Variants in DMD observed in about 807,000 individuals in gnomAD.
DMD encodes dystrophin.
Under a neutral mutation model 330.1 loss-of-function variants are expected in DMD, and 63 were observed. The ratio of observed to expected loss-of-function variants is 0.19; its 90% CI spans 0.16 to 0.24. The LOEUF (loss-of-function observed/expected upper bound fraction) is 0.24, where lower values mean the gene tolerates loss of function less well. DMD is among the 10% of genes least tolerant of loss of function. DMD has a pLI of 1.00. For synonymous variants in DMD, 1,223 were observed against 959.8 expected (o/e 1.27, Z -5.07); for missense variants, 3,344 against 2,684.1 (o/e 1.25, Z -5.43).
chrX:32,328,397 T>C (rs2097662144), intron 41 of DMD, among the ~76,000 whole-genome samples: 1 of 111,877 alleles, frequency 8.9e-6, no homozygotes, highest in South Asian at 3.7e-4. Context: ...ACAAATGTCG[T>C]GATACCCTAA....
In DMD at chrX:32,459,170, CA is replaced by C. The variant is rs1220591410; in HGVS notation, c.3432+4268del. On this transcript the variant is annotated intron_variant, in intron 25 of 78. Coordinates refer to ENST00000357033, the MANE Select transcript of DMD (RefSeq NM_004006.3). ...GATCTTAGGAGCTCTTATCACAAAA[CA>C]AAAAAAATAAATAAATTAAGGGGCA... is the stretch of plus-strand genomic sequence containing the variant. Among the ~76,000 whole-genome samples the C allele has an allele frequency of 6.4e-5, 7 of 109,612 alleles. No individual in the cohort carries two copies. The Admixed American group carries it at 6.8e-4, about 11-fold the overall frequency.
Position 32,644,152 on chromosome X carries a change from A to C in DMD, c.1311T>G (p.Ala437=), listed in dbSNP as rs398123855. 5.0e-6 allele frequency: 6 copies of C among 1,208,827 alleles called. No individual in the cohort carries two copies. The highest frequency in any genetic ancestry group is 6.7e-6 in the Non-Finnish European group (6 of 893,743). ...CTTACTTGCTTTGTTTTTCCATGCT[A>C]GCTACCCTGAGGCATTCCCATCTTG... ...LNSRWECLRV[A]SMEKQSNLHR... The change falls in exon 11 of 79, where the codon GCT becomes GCG. Residue 437 remains alanine (A), a synonymous_variant. Coordinates refer to ENST00000357033, the MANE Select transcript of DMD (RefSeq NM_004006.3).
intron 62 of DMD, among the ~76,000 whole-genome samples, chrX:31,264,597 A>T (rs902120894): frequency 6.2e-5 from 7 of 112,189 alleles, no homozygotes; most frequent in African/African-American, 2.3e-4. Context: ...CAGTATTTAT[A>T]CGAAGATTTC....
At chrX:33,143,743 A>G (rs1399989684) in intron 1 of DMD, among the ~76,000 whole-genome samples, 1 of 111,968 alleles carries the variant, frequency 8.9e-6, no homozygotes, top group African/African-American at 3.2e-5. Flanking sequence ...TTTGAAAATT[A>G]ACCGAATGAT....
At chrX:31,755,789 G>C (rs2089019962) in intron 51 of DMD, among the ~76,000 whole-genome samples, 1 of 111,478 alleles carries the variant, frequency 9.0e-6, no homozygotes. Flanking sequence ...GGTCGTTAAA[G>C]ATCTTTAAAG....
Position 31,556,518 on chromosome X carries a change from CAA to C in DMD, c.8218-49067_8218-49066del, listed in dbSNP as rs56984431. Among the ~76,000 whole-genome samples, 448 of 62,854 alleles carry C rather than the reference CAA, an allele frequency of 7.1e-3. 4 individuals are homozygous for C. Among genetic ancestry groups the C allele is most frequent in the African/African-American group, 0.021 (394 of 18,714 alleles). 54.6% of individuals were successfully genotyped at this position (62,854 alleles called of 115,157 possible). A position where few individuals can be genotyped will look rare whatever the true frequency, so the allele number is the denominator to read the frequency against. Reference sequence around the variant, plus strand: ...TTGACTTCCTGTGAAGTGAAAAAAGCAAAAAAAAAAAAAAAAATCTTGAAATG... The same window carrying C: ...TTGACTTCCTGTGAAGTGAAAAAAGCAAAAAAAAAAAAAAATCTTGAAATG... On this transcript the variant is annotated intron_variant, in intron 55 of 78. Coordinates refer to ENST00000357033, the MANE Select transcript of DMD (RefSeq NM_004006.3).
intron 60 of DMD, among the ~76,000 whole-genome samples, chrX:31,444,015 G>A (rs1302592786): frequency 9.0e-6 from 1 of 110,743 alleles, no homozygotes; most frequent in African/African-American, 3.3e-5. Context: ...CCATTCTCAC[G>A]GTAGTGAGCG....
intron 29 of DMD, among the ~76,000 whole-genome samples, chrX:32,413,497 C>G (rs957125764): frequency 9.1e-6 from 1 of 109,998 alleles, no homozygotes; most frequent in Non-Finnish European, 1.9e-5. Context: ...GTTCTTGATT[C>G]CAATCTTTTC....
chrX:33,010,197 T>C (rs1214908350), intron 2 of DMD, among the ~76,000 whole-genome samples: 2 of 106,368 alleles, frequency 1.9e-5, no homozygotes, highest in Non-Finnish European at 3.9e-5. Flanking sequence ...TATGTATATA[T>C]GCATATGTGT....
At chrX:33,257,711 A>T (rs1422946196) in intron 1 of DMD, among the ~76,000 whole-genome samples, 1 of 111,161 alleles carries the variant, frequency 9.0e-6, no homozygotes, top group Non-Finnish European at 1.9e-5. Context: ...ATAAAATGGT[A>T]AGTTCGATAA....
rs780947591 is a variant in DMD at position 33,009,324 on chromosome X, A to G, written c.93+10815T>C. The stretch of plus-strand genomic sequence containing the variant: ...TATATACACATGTGTGTATATGTGT[A>G]TATGTGTATATACACGTGTATATAC... On this transcript the variant is annotated intron_variant, in intron 2 of 78. Coordinates refer to ENST00000357033, the MANE Select transcript of DMD (RefSeq NM_004006.3). 4.0e-4 allele frequency among the ~76,000 whole-genome samples: 23 copies of G among 57,040 alleles called. 3 individuals are homozygous for G. The highest frequency in any genetic ancestry group is 1.5e-3 in the African/African-American group (22 of 14,769). 49.5% of individuals were successfully genotyped at this position (57,040 alleles called of 115,157 possible).
chrX:33,037,187 C>G (rs749307999), intron 1 of DMD, among the ~76,000 whole-genome samples: 1 of 111,260 alleles, frequency 9.0e-6, no homozygotes, highest in African/African-American at 3.3e-5. Flanking sequence ...GCCAAGTGTC[C>G]TAATTAATAC....
intron 71 of DMD, among the ~76,000 whole-genome samples, chrX:31,177,172 G>A (rs1295411182): frequency 9.0e-6 from 1 of 110,980 alleles, no homozygotes; most frequent in East Asian, 2.8e-4. Context: ...AGAAATCACA[G>A]GCCCCAAAAA....
At chrX:32,951,024 AC>A (rs2091214988) in intron 2 of DMD, among the ~76,000 whole-genome samples, 1 of 111,613 alleles carries the variant, frequency 9.0e-6, no homozygotes, top group Non-Finnish European at 1.9e-5. Context: ...ACTATTTGCC[AC>A]TTTACAAAAA....
chrX:32,796,861 T>A (rs192109504), intron 7 of DMD, among the ~76,000 whole-genome samples: 43 of 112,184 alleles, frequency 3.8e-4, no homozygotes, highest in African/African-American at 1.4e-3. Context: ...TCCTATTGTA[T>A]GACAATTAAA....
intron 1 of DMD, among the ~76,000 whole-genome samples, chrX:33,277,692 GAC>G (rs1402417935): frequency 4.5e-5 from 5 of 111,266 alleles, no homozygotes; most frequent in East Asian, 5.7e-4. Flanking sequence ...CCTTTTCATA[GAC>G]ACACACACAA....
chrX:32,736,283 T>G (rs964686840), intron 7 of DMD, among the ~76,000 whole-genome samples: 18 of 111,165 alleles, frequency 1.6e-4, no homozygotes, highest in African/African-American at 5.3e-4. Flanking sequence ...CTGGAGAGGA[T>G]GTGGAGAAAT....
chrX:31,144,963 A>G (rs903309530), intron 76 of DMD, among the ~76,000 whole-genome samples: 3 of 111,944 alleles, frequency 2.7e-5, no homozygotes, highest in African/African-American at 9.8e-5. Context: ...TTGATCATTT[A>G]TGCCTCATCA....
intron 55 of DMD, among the ~76,000 whole-genome samples, chrX:31,555,286 C>T (rs1002117937): frequency 5.4e-5 from 6 of 111,568 alleles, no homozygotes; most frequent in Non-Finnish European, 3.8e-5. Context: ...AAGAGATACA[C>T]ATAATTGGCT....
Sources: allele counts gnomAD v4.1 joint callset (sites outside exome capture counted in the v4.1 genomes callset), GRCh38; gene constraint gnomAD v4.1.1; transcripts MANE v1.5; gene names NCBI Gene and HGNC (gene_info 2026-07-23, HGNC 2026-07-21).